SLC2A9: variants seen among roughly 807,000 people sequenced by gnomAD.
SLC2A9 encodes solute carrier family 2 member 9.
SLC2A9 carries 39 observed loss-of-function variants against 50.6 expected under a neutral mutation model. The ratio of observed to expected loss-of-function variants is 0.77; its 90% CI spans 0.60 to 1.01. The LOEUF is 1.01. SLC2A9 is among the 50% of genes least tolerant of loss of function. SLC2A9 has a pLI of 0.00. For synonymous variants in SLC2A9, 324 were observed against 276.9 expected (o/e 1.17, Z -1.69); for missense variants, 686 against 677.6 (o/e 1.01, Z -0.14).
intron 6 of SLC2A9, among the ~76,000 whole-genome samples, chr4:9,929,294 G>A (rs2110151040): frequency 6.6e-6 from 1 of 152,338 alleles, no homozygotes; most frequent in South Asian, 2.1e-4. Context: ...TGCTGGGTGT[G>A]GGAAGTTTAC....
At chr4:9,937,790 C>G (rs1747357718) in intron 6 of SLC2A9, among the ~76,000 whole-genome samples, 1 of 152,226 alleles carries the variant, frequency 6.6e-6, no homozygotes, top group Non-Finnish European at 1.5e-5. Context: ...TGGCCTCCTT[C>G]CTGGGTTCTG....
In SLC2A9 at chr4:9,814,534, T is replaced by C. The variant is rs1034224185; in HGVS notation, n.420+11886A>G. ...GTTGGTGGCTTAAAGCAACAATAATTTATTATTTGTCATGGTTCTGTGAAT... is the reference window on the plus strand; with the variant it reads ...GTTGGTGGCTTAAAGCAACAATAATCTATTATTTGTCATGGTTCTGTGAAT... On this transcript the variant is annotated intron_variant and non_coding_transcript_variant, in intron 3 of 3. Transcript: ENST00000503280. Among the ~76,000 whole-genome samples the C allele has an allele frequency of 3.9e-5, 6 of 152,130 alleles. 1 individual carries two copies. Among genetic ancestry groups the C allele is most frequent in the Admixed American group, 1.3e-4 (2 of 15,272 alleles).
At chr4:9,841,631 G>T (rs1398475131) in intron 10 of SLC2A9, among the ~76,000 whole-genome samples, 2 of 152,236 alleles carry the variant, frequency 1.3e-5, no homozygotes, top group Non-Finnish European at 2.9e-5. Context: ...ATGTGGCAGG[G>T]GTGGGGTGGG....
intron 1 of SLC2A9, chr4:10,034,352 A>C (rs1180246109): frequency 6.6e-6 from 1 of 152,298 alleles, no homozygotes; most frequent in African/African-American, 2.4e-5. Flanking sequence ...TCAGCCAGGA[A>C]TGTCCTGGCA....
chr4:9,876,424 C>T (rs1184213158), intron 10 of SLC2A9, among the ~76,000 whole-genome samples: 1 of 152,056 alleles, frequency 6.6e-6, no homozygotes, highest in Non-Finnish European at 1.5e-5. Context: ...AAGACTCTAT[C>T]CCCACAAAAA....
chr4:9,782,540 A>T, intron 3 of SLC2A9: 2 of 1,613,854 alleles, frequency 1.2e-6, no homozygotes, highest in South Asian at 2.2e-5. Context: ...GTCCATCCTC[A>T]TCTCCTTCAT....
At chr4:9,902,948 T>C (rs888884428) in intron 8 of SLC2A9, among the ~76,000 whole-genome samples, 2 of 152,208 alleles carry the variant, frequency 1.3e-5, no homozygotes, top group African/African-American at 2.4e-5. Context: ...CACTGTGAAT[T>C]ACAGTATGAT....
At chr4:10,025,894 A>C (rs1763735187), upstream of SLC2A9, 2 of 1,613,856 alleles carry the variant, frequency 1.2e-6, no homozygotes, top group Non-Finnish European at 1.7e-6. Flanking sequence ...AGAAAAAAAA[A>C]AGGACTGACC....
chr4:9,980,131 G>C (rs1166153791), intron 5 of SLC2A9, among the ~76,000 whole-genome samples: 2 of 152,114 alleles, frequency 1.3e-5, no homozygotes, highest in Non-Finnish European at 2.9e-5. Context: ...GCCAAAACCG[G>C]AAGACTCTAC....
At chr4:9,802,897 G>A (rs1485527216) in intron 3 of SLC2A9, among the ~76,000 whole-genome samples, 2 of 152,114 alleles carry the variant, frequency 1.3e-5, no homozygotes, top group Non-Finnish European at 2.9e-5. Context: ...CCTTATCCAG[G>A]AATATTTCCC....
chr4:9,938,024 C>T (rs57477583), intron 6 of SLC2A9, among the ~76,000 whole-genome samples: 49 of 152,270 alleles, frequency 3.2e-4, no homozygotes, highest in Admixed American at 2.4e-3. Context: ...TGTTCCCCCC[C>T]GAACATTATG....
At chr4:9,772,750 G>A (rs572492260) in intron 1 of SLC2A9, among the ~76,000 whole-genome samples, 1 of 152,042 alleles carries the variant, frequency 6.6e-6, no homozygotes, top group Non-Finnish European at 1.5e-5. Context: ...TTGCACTTTT[G>A]TAAGTACAGC....
At chr4:9,905,950 T>C (rs574539531) in intron 8 of SLC2A9, among the ~76,000 whole-genome samples, 63 of 152,292 alleles carry the variant, frequency 4.1e-4, no homozygotes, top group Middle Eastern at 6.8e-3. Context: ...TTTCCTCAAC[T>C]GTCAAAAGAT....
chr4:9,996,324 G>T (rs1256392992), intron 3 of SLC2A9, among the ~76,000 whole-genome samples: 1 of 152,176 alleles, frequency 6.6e-6, no homozygotes, highest in East Asian at 1.9e-4. Context: ...CCAAGGCACT[G>T]CACTGTGTTT....
chr4:9,789,846 T>G (rs1238207209), intron 3 of SLC2A9, among the ~76,000 whole-genome samples: 3 of 152,198 alleles, frequency 2.0e-5, no homozygotes. Flanking sequence ...CTCAGAATAT[T>G]GTTCTGATTC....
At chr4:9,851,905 G>A (rs1729989401) in intron 10 of SLC2A9, among the ~76,000 whole-genome samples, 1 of 152,186 alleles carries the variant, frequency 6.6e-6, no homozygotes, top group Non-Finnish European at 1.5e-5. Context: ...CAAAATCTCT[G>A]AGCAATATGA....
intron 5 of SLC2A9, among the ~76,000 whole-genome samples, chr4:9,943,038 T>A (rs1036411243): frequency 2.0e-5 from 3 of 152,272 alleles, no homozygotes; most frequent in East Asian, 1.9e-4. Context: ...ACCCTCAGGA[T>A]CCTGGGGCAC....
intron 8 of SLC2A9, among the ~76,000 whole-genome samples, chr4:9,898,775 T>C (rs993783293): frequency 1.3e-5 from 2 of 152,258 alleles, no homozygotes; most frequent in African/African-American, 4.8e-5. Flanking sequence ...GCCCTGTTGG[T>C]TGGGCTCTGC....
intron 8 of SLC2A9, among the ~76,000 whole-genome samples, chr4:9,907,425 T>C (rs1298098398): frequency 1.3e-5 from 2 of 152,338 alleles, no homozygotes; most frequent in East Asian, 3.9e-4. Context: ...CACCAGATGT[T>C]TGTTTTGCAT....
Sources: allele counts gnomAD v4.1 joint callset (sites outside exome capture counted in the v4.1 genomes callset), GRCh38; gene constraint gnomAD v4.1.1; transcripts MANE v1.5; gene names NCBI Gene and HGNC (gene_info 2026-07-23, HGNC 2026-07-21).